Variants in ARID4B observed in about 807,000 individuals in gnomAD.
ARID4B encodes the protein AT-rich interactive domain-containing protein 4B.
A neutral mutation model predicts 147.5 loss-of-function variants in ARID4B; 26 were observed. That is an observed-to-expected ratio of 0.18 (90% CI 0.13 to 0.24). The LOEUF (loss-of-function observed/expected upper bound fraction) is 0.24. Ranked by LOEUF, ARID4B falls within the 10% of genes least tolerant of loss-of-function variation. The probability of loss-of-function intolerance (pLI) is 1.00; values close to 1 mark genes in which losing one functional copy is unlikely to be tolerated. For synonymous variants in ARID4B, 512 were observed against 507.9 expected, an observed-to-expected ratio of 1.01 and a Z score of -0.11; for missense variants, 1,179 against 1,511.5, an observed-to-expected ratio of 0.78 and a Z score of 3.65.
intron 2 of ARID4B, among the ~76,000 whole-genome samples, chr1:235,295,521 A>G (rs1472792079): frequency 6.6e-6 from 1 of 151,102 alleles, no homozygotes; most frequent in Non-Finnish European, 1.5e-5. Flanking sequence ...TCAATTTAAA[A>G]AAAAAAAAGG....
At chr1:235,193,894 A>G (rs1665295839) in intron 19 of ARID4B, 119 bp downstream of exon 19, 6 of 685,822 alleles carry the variant, frequency 8.7e-6, no homozygotes, top group Middle Eastern at 4.3e-4. Flanking sequence ...GTAATAAGAG[A>G]GCAAACAAAA....
At chr1:235,225,549 T>C (rs1414331900) in intron 11 of ARID4B, among the ~76,000 whole-genome samples, 1 of 152,136 alleles carries the variant, frequency 6.6e-6, no homozygotes, top group Non-Finnish European at 1.5e-5. Context: ...TAAGTGTAGG[T>C]ACTATGCCAG....
chr1:235,221,778 G>T, intron 13 of ARID4B, 116 bp from the exon 14 acceptor site: 4 of 381,756 alleles, frequency 1.0e-5, no homozygotes, highest in Non-Finnish European at 4.5e-6. Flanking sequence ...AGACTCAAAA[G>T]AATTTTTAAA....
At chr1:235,270,258 G>C (rs759267012) in intron 2 of ARID4B, among the ~76,000 whole-genome samples, 1 of 152,150 alleles carries the variant, frequency 6.6e-6, no homozygotes, top group African/African-American at 2.4e-5. Flanking sequence ...ACTCCAGCCC[G>C]GGCGACAGAG....
intron 8 of ARID4B, among the ~76,000 whole-genome samples, chr1:235,239,095 G>A (rs1668815907): frequency 6.6e-6 from 1 of 150,766 alleles, no homozygotes; most frequent in Non-Finnish European, 1.5e-5. Context: ...CTATTCTCCT[G>A]CCTAGCTGGG....
intron 2 of ARID4B, among the ~76,000 whole-genome samples, chr1:235,265,080 C>T (rs1310671708): frequency 2.2e-5 from 3 of 138,742 alleles, no homozygotes; most frequent in Non-Finnish European, 3.1e-5. Flanking sequence ...AAAAAGTTTT[C>T]GGCTGGGCAC....
intron 2 of ARID4B, among the ~76,000 whole-genome samples, chr1:235,271,260 T>C (rs1189174718): frequency 2.6e-5 from 4 of 151,250 alleles, no homozygotes; most frequent in Non-Finnish European, 5.9e-5. Context: ...GAGGCTGAGG[T>C]GGGAGAACTG....
At chr1:235,276,774 G>A (rs936744232) in intron 2 of ARID4B, among the ~76,000 whole-genome samples, 1 of 152,026 alleles carries the variant, frequency 6.6e-6, no homozygotes, top group Non-Finnish European at 1.5e-5. Flanking sequence ...GAAGCAGGGG[G>A]GATCACCTGA....
At chr1:235,170,837 G>A (rs569530410) in intron 23 of ARID4B, among the ~76,000 whole-genome samples, 272 of 150,060 alleles carry the variant, frequency 1.8e-3, no homozygotes, top group African/African-American at 6.2e-3. Flanking sequence ...CGCTTGAACC[G>A]GAAGGCAGAG....
chr1:235,187,042 G>A, intron 19 of ARID4B: 4 of 358,624 alleles, frequency 1.1e-5, no homozygotes, highest in Non-Finnish European at 1.6e-5. Context: ...CTTTTTCACT[G>A]CATCTTATTC....
At chr1:235,313,233 T>C (rs1021593424) in intron 2 of ARID4B, among the ~76,000 whole-genome samples, 2 of 152,178 alleles carry the variant, frequency 1.3e-5, no homozygotes, top group Non-Finnish European at 2.9e-5. Context: ...TTTCACCATG[T>C]TGGCCAGGCT....
intron 2 of ARID4B, among the ~76,000 whole-genome samples, chr1:235,323,604 G>A (rs182102508): frequency 1.3e-5 from 2 of 151,954 alleles, no homozygotes; most frequent in Admixed American, 1.3e-4. Context: ...GACCAATATG[G>A]AGAAACCTTG....
chr1:235,326,059 G>C (rs1287111275), intron 2 of ARID4B, among the ~76,000 whole-genome samples: 1 of 151,692 alleles, frequency 6.6e-6, no homozygotes, highest in Admixed American at 6.6e-5. Flanking sequence ...TTCTGAATTT[G>C]TAATGGATGA....
At chr1:235,274,116 T>C (rs1671159010) in intron 2 of ARID4B, among the ~76,000 whole-genome samples, 1 of 152,088 alleles carries the variant, frequency 6.6e-6, no homozygotes, top group African/African-American at 2.4e-5. Flanking sequence ...CTCACACCTG[T>C]AATCCCAGCA....
In ARID4B at chr1:235,264,011, A is replaced by C. The variant is rs140152926; in HGVS notation, c.7-3259T>G. ...TCCATCTCAAAAAAAAAAGACTTGC[A>C]GAAGGAAACCAAAGTCTAATAAAAG... On this transcript the variant is annotated intron_variant, in intron 2 of 23. Transcript: ENST00000264183. Among the ~76,000 whole-genome samples the C allele has an allele frequency of 3.4e-3, 515 of 152,214 alleles. 6 individuals are homozygous for C. Among genetic ancestry groups the C allele is most frequent in the African/African-American group, 0.012 (503 of 41,528 alleles).
chr1:235,289,076 T>C (rs1672164089), intron 2 of ARID4B, among the ~76,000 whole-genome samples: 1 of 152,198 alleles, frequency 6.6e-6, no homozygotes. Flanking sequence ...ATTCATCCAA[T>C]AGCTATACTT....
rs11801481 is a variant in ARID4B at position 235,171,296 on chromosome 1, G to A, written c.3811+1322C>T. ...ACTAAAAATAAAAAATTAGCTGGGC[G>A]TGGCAGCACGCTTGTAATCCCAGCC... On this transcript the variant is annotated intron_variant, in intron 23 of 23. Coordinates refer to ENST00000264183, the MANE Select transcript of ARID4B (RefSeq NM_016374.6). Among the ~76,000 whole-genome samples, 310 of 152,072 alleles carry A rather than the reference G, an allele frequency of 2.0e-3. 2 individuals carry two copies. The highest frequency in any genetic ancestry group is 7.2e-3 in the African/African-American group (297 of 41,518).
intron 2 of ARID4B, among the ~76,000 whole-genome samples, chr1:235,267,590 T>C (rs984109865): frequency 2.0e-5 from 3 of 151,814 alleles, no homozygotes; most frequent in African/African-American, 7.3e-5. Flanking sequence ...CCCAGCACTC[T>C]GGGAGGCCGA....
chr1:235,258,767 T>C (rs1307401008), intron 3 of ARID4B, among the ~76,000 whole-genome samples: 3 of 152,332 alleles, frequency 2.0e-5, no homozygotes, highest in Admixed American at 6.5e-5. Flanking sequence ...AAAAGCATTA[T>C]CACACTTTTT....
Sources: gnomAD v4.1 joint callset for allele counts (sites outside exome capture counted in the v4.1 genomes callset) on GRCh38, gnomAD v4.1.1 for gene constraint, MANE v1.5 for transcripts, NCBI Gene and HGNC (gene_info 2026-07-23, HGNC 2026-07-21) for gene names.